ERI2: variants seen among roughly 807,000 people sequenced by gnomAD.
ERI2 encodes the protein ERI1 exoribonuclease 2.
Under a neutral mutation model 46.8 loss-of-function variants are expected in ERI2, and 35 were observed. That is an observed-to-expected ratio of 0.75 (90% CI 0.57 to 0.99). ERI2 has a LOEUF of 0.99. Ranked by LOEUF, ERI2 falls within the 50% of genes least tolerant of loss-of-function variation. The pLI is 0.00. For synonymous variants in ERI2, 224 were observed against 271.0 expected (o/e 0.83, Z 1.70); for missense variants, 695 against 796.2 (o/e 0.87, Z 1.53).
At position 20,798,793 on chromosome 16, in the gene ERI2, G is replaced by A. The variant is rs1267662509; in HGVS notation, c.1007C>T (p.Ser336Phe). Residue 336 changes from serine (S) to phenylalanine (F), a missense_variant, in exon 9 of 9, where the codon TCT (serine) becomes TTT (phenylalanine). By Grantham distance (155) the Ser-to-Phe change is radical. Transcript: ENST00000357967. ...SSLPLFNTKS[S>F]TSVGQLQSPT... Reference sequence around the variant, plus strand: ...AGACTGCAACTGCCCCACAGAAGTAGAGGACTTAGTATTAAAAAGAGGTAA... The same window carrying A: ...AGACTGCAACTGCCCCACAGAAGTAAAGGACTTAGTATTAAAAAGAGGTAA... 1.2e-5 allele frequency: 19 copies of A among 1,551,638 alleles called. No homozygotes were observed. The South Asian group carries it at 2.1e-4, about 17-fold the overall frequency.
In ERI2 at chr16:20,791,230, T is replaced by TTG. The variant is rs755382564; in HGVS notation, c.733-300_733-299dup. ...GTATTTGATATAATGTAACAGTATC[T>TTG]TGTTTTTTCTTATGTCAGACTTGCA... On this transcript the variant is annotated intron_variant, in intron 8 of 10. Coordinates refer to the ERI2 transcript ENST00000300005. Among the ~76,000 whole-genome samples, 8 of 152,344 alleles carry TTG rather than the reference T, an allele frequency of 5.3e-5. No individual in the cohort carries two copies. In the South Asian group the frequency reaches 1.7e-3, roughly 32 times the overall value.
downstream of ERI2, chr16:20,792,320 C>A (rs2080620314): frequency 6.2e-7 from 1 of 1,613,884 alleles, no homozygotes; most frequent in Admixed American, 1.7e-5. Context: ...GCAGCCCAGA[C>A]CCCATCAGAG....
Position 20,790,531 on chromosome 16 carries a change from T to A in ERI2, c.815+319A>T. On this transcript the variant is annotated intron_variant, in intron 9 of 10. Transcript: ENST00000300005. This position sits in a 1 kb window ranked among gnomAD's most constrained non-coding sequence, Gnocchi z 4.0. ...AAATAAAACTTGCAAAGTTAATATT[T>A]AAGCTGCGACATTAAACAAAAATTT... The A allele has an allele frequency of 6.6e-7, 1 of 1,504,430 alleles. No homozygotes were observed. Among genetic ancestry groups the A allele is most frequent in the Non-Finnish European group, 9.1e-7 (1 of 1,092,982 alleles). The allele number at this position is 1,504,430 out of a possible 1,614,324, so 93.2% of individuals were successfully genotyped here.
rs2080566601 is a variant in ERI2 at position 20,790,201 on chromosome 16, C to T, written c.816-644G>A. Among the ~76,000 whole-genome samples, 1 of 151,956 alleles carries T rather than the reference C, an allele frequency of 6.6e-6. No individual in the cohort carries two copies. Among genetic ancestry groups the T allele is most frequent in the Admixed American group, 6.6e-5 (1 of 15,252 alleles). ...GTGCAGTGGCTCATGCCTATAATCCCAGCACTTTGGGAGGCCAAGGCTGGA... is the reference window on the plus strand; with the variant it reads ...GTGCAGTGGCTCATGCCTATAATCCTAGCACTTTGGGAGGCCAAGGCTGGA... On this transcript the variant is annotated intron_variant, in intron 9 of 10. Transcript: ENST00000300005. The surrounding 1 kb of genome is among the most constrained non-coding windows in gnomAD (Gnocchi z 4.0).
At chr16:20,788,586 G>T (rs1319294088) in intron 10 of ERI2, among the ~76,000 whole-genome samples, 1 of 152,168 alleles carries the variant, frequency 6.6e-6, no homozygotes, top group Non-Finnish European at 1.5e-5. Context: ...GGCATCTGGG[G>T]ATGTGTTCCA....
chr16:20,800,237 G>T, intron 6 of ERI2, 65 bp downstream of exon 6: 1 of 1,140,620 alleles, frequency 8.8e-7, no homozygotes, highest in Non-Finnish European at 1.3e-6. Flanking sequence ...ATGCCCATGT[G>T]TAGGATAAAA....
At position 20,798,786 on chromosome 16, in the gene ERI2, A is replaced by C; in HGVS notation, c.1014T>G (p.Ser338=). ...AGGTAGGAGACTGCAACTGCCCCAC[A>C]GAAGTAGAGGACTTAGTATTAAAAA... ...LPLFNTKSST[S]VGQLQSPTLN... is the part of the protein sequence containing the mutation. The change falls in exon 9 of 9, where the codon TCT becomes TCG. Residue 338 remains serine (S), a synonymous_variant. Coordinates refer to ENST00000357967, the MANE Select transcript of ERI2 (RefSeq NM_001142725.2). 1 of 1,551,656 alleles carries C rather than the reference A, an allele frequency of 6.4e-7. No homozygotes were observed. Among genetic ancestry groups the C allele is most frequent in the East Asian group, 2.4e-5 (1 of 40,924 alleles).
chr16:20,785,980 T>C (rs1034448618), intron 10 of ERI2: 6 of 782,778 alleles, frequency 7.7e-6, no homozygotes, highest in Non-Finnish European at 1.2e-5. Flanking sequence ...TAGTTCATAG[T>C]AAGTTTTCAA....
chr16:20,783,866 G>A (rs1206860864), intron 10 of ERI2, among the ~76,000 whole-genome samples: 1 of 150,734 alleles, frequency 6.6e-6, no homozygotes, highest in African/African-American at 2.4e-5. Flanking sequence ...GGAGTGCAGT[G>A]GCACAATCTC....
intron 5 of ERI2, among the ~76,000 whole-genome samples, chr16:20,800,947 A>G (rs2080788944): frequency 6.6e-6 from 1 of 152,180 alleles, no homozygotes; most frequent in South Asian, 2.1e-4. Flanking sequence ...TCTTTGCTTA[A>G]TTCTTAACAG....
At chr16:20,803,724 T>C (rs1009638183) in intron 1 of ERI2, 54 bp from the exon 2 acceptor site, 22 of 1,578,214 alleles carry the variant, frequency 1.4e-5, no homozygotes, top group Non-Finnish European at 1.6e-5. Context: ...ACACTCCTGT[T>C]TGAGTAGGCT....
chr16:20,798,185 G>A lies in ERI2; in HGVS notation c.1615C>T (p.Pro539Ser). The change falls in exon 9 of 9, where the codon CCC becomes TCC. Residue 539 changes from proline to serine, a missense_variant. Coordinates refer to ENST00000357967, the MANE Select transcript of ERI2 (RefSeq NM_001142725.2). ...TTTTTTGCTGGTGGGAAAGCTTGGG[G>A]ACTGCATGGATTCCTTTTGGTACCA... ...SGGTKRNPCSPQAFPPAKKQP... is the reference protein window; with the variant it reads ...SGGTKRNPCSSQAFPPAKKQP... 2 of 1,551,604 alleles carry A rather than the reference G, an allele frequency of 1.3e-6. No homozygotes were observed. Among genetic ancestry groups the A allele is most frequent in the Non-Finnish European group, 1.7e-6 (2 of 1,146,938 alleles).
At chr16:20,799,750 G>C (rs919002355) in intron 7 of ERI2, 9 of 485,466 alleles carry the variant, frequency 1.9e-5, no homozygotes, top group South Asian at 1.1e-4. Flanking sequence ...TTAGCAACTA[G>C]AAAGCCACTA....
At chr16:20,805,848 C>G in intron 1 of ERI2, 1 of 519,406 alleles carries the variant, frequency 1.9e-6, no homozygotes, top group Non-Finnish European at 2.5e-6. Context: ...CAAAGGAAAC[C>G]GGACACAGCA....
At chr16:20,792,062 G>A (rs1220065776), downstream of ERI2, 5 of 1,613,952 alleles carry the variant, frequency 3.1e-6, no homozygotes, top group Non-Finnish European at 4.2e-6. Context: ...TGGGGACAGA[G>A]GATATATGGA....
intron 10 of ERI2, among the ~76,000 whole-genome samples, chr16:20,783,918 G>C (rs1336646777): frequency 6.6e-6 from 1 of 151,670 alleles, no homozygotes; most frequent in Non-Finnish European, 1.5e-5. Context: ...CAATTCTCCT[G>C]CCTCAGCCTC....
chr16:20,789,656 C>A, intron 9 of ERI2: 8 of 755,832 alleles, frequency 1.1e-5, no homozygotes, highest in African/African-American at 1.8e-5. Context: ...GTTGGCAAAA[C>A]TGTATATTAT....
chr16:20,803,718 T>C lies in ERI2; in HGVS notation c.24-48A>G, dbSNP rs574163072. 1.9e-4 allele frequency: 297 copies of C among 1,590,172 alleles called. 5 individuals carry two copies. The South Asian group carries it at 3.2e-3, about 17-fold the overall frequency. On this transcript the variant is annotated intron_variant, in intron 1 of 8. Transcript: ENST00000357967. ...ATATGATCAATGAACTCATTCACAC[T>C]CCTGTTTGAGTAGGCTACCAAACTA...
In ERI2 at chr16:20,797,368, GT is replaced by G; in HGVS notation, c.*355del. The G allele has an allele frequency of 1.0e-6, 1 of 990,768 alleles. No homozygotes were observed. Among genetic ancestry groups the G allele is most frequent in the African/African-American group, 1.7e-5 (1 of 57,896 alleles). 61.4% of individuals were successfully genotyped at this position (990,768 alleles called of 1,614,324 possible). On this transcript the variant is annotated 3_prime_UTR_variant, in exon 9 of 9. Transcript: ENST00000357967. The stretch of plus-strand genomic sequence containing the variant: ...AAATAAAACTAAAGAACTTATAAAA[GT>G]TTTTAGAAAAATATAAAATATCAGT...
Sources: allele counts gnomAD v4.1 joint callset (sites outside exome capture counted in the v4.1 genomes callset), GRCh38; gene constraint gnomAD v4.1.1; non-coding constraint Gnocchi (gnomAD v3.1); transcripts MANE v1.5; gene names NCBI Gene and HGNC (gene_info 2026-07-23, HGNC 2026-07-21).